RYR3: variants seen among roughly 807,000 people sequenced by gnomAD.
The protein encoded by RYR3 is brain ryanodine receptor-calcium release channel.
Under a neutral mutation model 584.3 loss-of-function variants are expected in RYR3, and 207 were observed. That is an observed-to-expected ratio of 0.35 (90% CI 0.32 to 0.40). The LOEUF (loss-of-function observed/expected upper bound fraction) is 0.40. RYR3 is among the 10% of genes least tolerant of loss of function. The pLI is 1.00. For synonymous variants in RYR3, 2,416 were observed against 2,248.5 expected, an observed-to-expected ratio of 1.07 and a Z score of -2.11; for missense variants, 5,616 against 6,089.2, an observed-to-expected ratio of 0.92 and a Z score of 2.59.
intron 3 of RYR3, 139 bp downstream of exon 3, chr15:33,503,877 CCT>C: frequency 1.6e-6 from 1 of 626,106 alleles, no homozygotes. Flanking sequence ...AATCTTTCTC[CCT>C]GAGTTGAGTT....
chr15:33,592,910 C>A (rs1160357738), intron 16 of RYR3, among the ~76,000 whole-genome samples: 3 of 152,166 alleles, frequency 2.0e-5, no homozygotes, highest in African/African-American at 7.2e-5. Flanking sequence ...GGTCCGGGCA[C>A]AGCTTGGTTT....
At chr15:33,441,027 C>A (rs1467792981) in intron 1 of RYR3, among the ~76,000 whole-genome samples, 2 of 151,982 alleles carry the variant, frequency 1.3e-5, no homozygotes, top group African/African-American at 4.8e-5. Context: ...CAGTTTCTTA[C>A]CCAGTTACGT....
chr15:33,590,074 G>T (rs1284554973), intron 16 of RYR3, among the ~76,000 whole-genome samples: 4 of 152,034 alleles, frequency 2.6e-5, no homozygotes, highest in Non-Finnish European at 5.9e-5. Context: ...AAAGGGGGTT[G>T]TTCTCTTGTG....
At chr15:33,514,092 A>G (rs2053285329) in intron 3 of RYR3, among the ~76,000 whole-genome samples, 1 of 152,192 alleles carries the variant, frequency 6.6e-6, no homozygotes, top group Non-Finnish European at 1.5e-5. Context: ...AAACCCGGAT[A>G]GTCAATTCCC....
rs1371827569 is a variant in RYR3 at position 33,603,282 on chromosome 15, A to G, written c.2082A>G (p.Pro694=). 6.2e-7 allele frequency: 1 copy of G among 1,613,812 alleles called. No homozygotes were observed. Among genetic ancestry groups the G allele is most frequent in the East Asian group, 2.2e-5 (1 of 44,862 alleles). ...CTTCTTCAGGCTATGCCCCATACCC[A>G]GGAGGTGGAGAAGGATGGGGAGGCA... is the stretch of plus-strand genomic sequence containing the variant. ...WASSSGYAPY[P]GGGEGWGGNG... is the part of the protein sequence containing the mutation. Residue 694 remains proline (P), a synonymous_variant, in exon 18 of 104, where the codon CCA becomes CCG. Coordinates refer to ENST00000634891, the MANE Select transcript of RYR3 (RefSeq NM_001036.6).
chr15:33,714,437 A>G (rs2067340929), intron 43 of RYR3, among the ~76,000 whole-genome samples: 1 of 152,284 alleles, frequency 6.6e-6, no homozygotes, highest in Admixed American at 6.5e-5. Flanking sequence ...TTAGCTGTTG[A>G]GAAGCCTTGG....
At chr15:33,407,843 G>T (rs760745990) in intron 1 of RYR3, among the ~76,000 whole-genome samples, 6 of 152,102 alleles carry the variant, frequency 3.9e-5, no homozygotes, top group African/African-American at 1.4e-4. Flanking sequence ...GGTTATTAAG[G>T]TTAGTTAACA....
intron 47 of RYR3, 78 bp from the exon 48 acceptor site, chr15:33,731,396 A>T: frequency 1.0e-6 from 1 of 988,118 alleles, no homozygotes; most frequent in Non-Finnish European, 1.6e-6. Context: ...ACAGCTTGCT[A>T]CATGGGAACT....
In RYR3 at chr15:33,825,379, C is replaced by T. The variant is rs545751209; in HGVS notation, c.11073-224C>T. Among the ~76,000 whole-genome samples, 3 of 152,224 alleles carry T rather than the reference C, an allele frequency of 2.0e-5. No homozygotes were observed. In the South Asian group the frequency reaches 6.2e-4, roughly 32 times the overall value. ...AGAGTCACCGTAAGTGTTCATGACC[C>T]CTCTACCTGTATGTAACAAAGTCTG... On this transcript the variant is annotated intron_variant, in intron 81 of 103. Coordinates refer to ENST00000634891, the MANE Select transcript of RYR3 (RefSeq NM_001036.6).
chr15:33,310,969 C>A lies in RYR3; in HGVS notation c.-77C>A. On this transcript the variant is annotated 5_prime_UTR_variant, in exon 1 of 104. Transcript: ENST00000634891. ...AGGAGGAGGAGAAAGAGCGCAGCAG[C>A]AGTCAGCGCACGCCGAGCGGCTGCC... 9.3e-7 allele frequency: 1 copy of A among 1,070,666 alleles called. No homozygotes were observed. Among genetic ancestry groups the A allele is most frequent in the Non-Finnish European group, 1.4e-6 (1 of 718,520 alleles). The allele number at this position is 1,070,666 out of a possible 1,614,324, so 66.3% of individuals were successfully genotyped here.
intron 38 of RYR3, among the ~76,000 whole-genome samples, chr15:33,694,158 G>A (rs1217496410): frequency 2.0e-5 from 3 of 151,048 alleles, no homozygotes; most frequent in East Asian, 1.9e-4. Flanking sequence ...TAATATCATG[G>A]AAAAAAAATA....
chr15:33,552,052 T>C (rs1425077049), intron 10 of RYR3, among the ~76,000 whole-genome samples: 4 of 152,184 alleles, frequency 2.6e-5, no homozygotes, highest in Non-Finnish European at 5.9e-5. Flanking sequence ...TCTACCCCCT[T>C]TCTCCTTGAC....
At chr15:33,585,835 G>T (rs190009313) in intron 15 of RYR3, among the ~76,000 whole-genome samples, 163 bp from the exon 16 acceptor site, 3 of 152,124 alleles carry the variant, frequency 2.0e-5, no homozygotes, top group Non-Finnish European at 4.4e-5. Flanking sequence ...GAAGTCTACC[G>T]GAAATGATGC....
At chr15:33,642,247 C>A (rs1222372786) in intron 27 of RYR3, among the ~76,000 whole-genome samples, 1 of 152,272 alleles carries the variant, frequency 6.6e-6, no homozygotes, top group Non-Finnish European at 1.5e-5. Flanking sequence ...CCCACTGAGG[C>A]TTTTACCCCT....
chr15:33,714,511 C>T (rs1269047976), intron 43 of RYR3, among the ~76,000 whole-genome samples: 2 of 152,158 alleles, frequency 1.3e-5, no homozygotes, highest in African/African-American at 2.4e-5. Context: ...GTTGCAGGCA[C>T]TGTAGCCAGG....
chr15:33,567,428 C>T (rs1215850581), intron 12 of RYR3, among the ~76,000 whole-genome samples: 1 of 152,158 alleles, frequency 6.6e-6, no homozygotes, highest in Non-Finnish European at 1.5e-5. Flanking sequence ...GAAAATCTCT[C>T]TAAAGCCAAG....
At chr15:33,395,712 G>A (rs1595959941) in intron 1 of RYR3, among the ~76,000 whole-genome samples, 1 of 152,148 alleles carries the variant, frequency 6.6e-6, no homozygotes, top group East Asian at 1.9e-4. Context: ...ACATGGACGT[G>A]GTTCACTCTG....
At chr15:33,414,084 A>G (rs1348776663) in intron 1 of RYR3, among the ~76,000 whole-genome samples, 1 of 152,248 alleles carries the variant, frequency 6.6e-6, no homozygotes, top group Non-Finnish European at 1.5e-5. Context: ...TACTTGTTAT[A>G]TATTCGTACC....
At chr15:33,652,442 T>A (rs879772928) in intron 31 of RYR3, among the ~76,000 whole-genome samples, 1 of 152,206 alleles carries the variant, frequency 6.6e-6, no homozygotes, top group Non-Finnish European at 1.5e-5. Context: ...CAAAGGTGTG[T>A]TGACATTGAG....
Sources: allele counts gnomAD v4.1 joint callset (sites outside exome capture counted in the v4.1 genomes callset), GRCh38; gene constraint gnomAD v4.1.1; transcripts MANE v1.5; gene names NCBI Gene and HGNC (gene_info 2026-07-23, HGNC 2026-07-21).